Variants in RANBP2 observed in about 807,000 individuals in gnomAD.
RANBP2 encodes the protein E3 SUMO-protein ligase RanBP2.
Under a neutral mutation model 303.6 loss-of-function variants are expected in RANBP2, and 57 were observed. That is an observed-to-expected ratio of 0.19 (90% CI 0.15 to 0.23). RANBP2 has a LOEUF of 0.23. Among genes scored for constraint, RANBP2 ranks in the 10% least tolerant of loss-of-function variants. RANBP2 has a pLI of 1.00. For missense variants in RANBP2, 3,138 were observed against 3,780.8 expected, an observed-to-expected ratio of 0.83 and a Z score of 4.46; for synonymous variants, 1,167 against 1,301.5, an observed-to-expected ratio of 0.90 and a Z score of 2.23.
At chr2:109,524,469 A>AAAAAAAAAAAAAAAAAAAAAAAAC in the RANBP2 span, among the ~76,000 whole-genome samples, 9 of 80,872 alleles carry the variant, frequency 1.1e-4, 1 homozygote, top group East Asian at 8.3e-4. Flanking sequence ...AAAAAAAACA[A>AAAAAAAAAAAAAAAAAAAAAAAAC]AACAACACTG....
chr2:109,177,172 C>T, the RANBP2 span, among the ~76,000 whole-genome samples: 3 of 152,150 alleles, frequency 2.0e-5, no homozygotes, highest in African/African-American at 7.2e-5. Context: ...ACACTCAGCC[C>T]AGAGTCAGAA....
At chr2:108,919,198 TC>T in the RANBP2 span, among the ~76,000 whole-genome samples, 1 of 152,040 alleles carries the variant, frequency 6.6e-6, no homozygotes, top group Non-Finnish European at 1.5e-5. Context: ...CGGAAGAGCA[TC>T]CGGGCACAAG....
At chr2:108,815,463 T>G in the RANBP2 span, among the ~76,000 whole-genome samples, 1 of 121,230 alleles carries the variant, frequency 8.2e-6, no homozygotes, top group Non-Finnish European at 1.6e-5. Flanking sequence ...TTTTTGGTGT[T>G]TTTTTTTTTT....
the RANBP2 span, among the ~76,000 whole-genome samples, chr2:109,717,869 A>C: frequency 6.7e-6 from 1 of 150,232 alleles, no homozygotes; most frequent in Admixed American, 6.6e-5. Context: ...AGCCGAGATC[A>C]CACCATTGCA....
chr2:108,808,301 A>G, the RANBP2 span, among the ~76,000 whole-genome samples: 1 of 152,170 alleles, frequency 6.6e-6, no homozygotes, highest in Non-Finnish European at 1.5e-5. Context: ...GGCTATTGCA[A>G]ATACTGCTGC....
At chr2:109,275,678 A>T in the RANBP2 span, among the ~76,000 whole-genome samples, 1 of 152,122 alleles carries the variant, frequency 6.6e-6, no homozygotes, top group Non-Finnish European at 1.5e-5. Context: ...TGGATGCTTG[A>T]TTAGCGCGTC....
the RANBP2 span, among the ~76,000 whole-genome samples, chr2:109,298,978 G>A: frequency 6.6e-6 from 1 of 152,148 alleles, no homozygotes; most frequent in African/African-American, 2.4e-5. Context: ...CACGGCCCAC[G>A]CCGGCCTGCA....
At chr2:109,418,284 C>T in the RANBP2 span, among the ~76,000 whole-genome samples, 3 of 152,144 alleles carry the variant, frequency 2.0e-5, no homozygotes, top group Admixed American at 1.3e-4. Flanking sequence ...CTCCAGGCTC[C>T]CTGACAGCCC....
the RANBP2 span, among the ~76,000 whole-genome samples, chr2:109,417,501 T>C: frequency 6.6e-6 from 1 of 152,114 alleles, no homozygotes; most frequent in African/African-American, 2.4e-5. Flanking sequence ...CTTTCCTGCT[T>C]CCGCATGTGG....
At chr2:109,006,815 T>C in the RANBP2 span, among the ~76,000 whole-genome samples, 26 of 152,350 alleles carry the variant, frequency 1.7e-4, no homozygotes, top group South Asian at 1.7e-3. Flanking sequence ...CTCCTAAACC[T>C]TCTTAGGGCA....
chr2:109,595,900 T>C, the RANBP2 span, among the ~76,000 whole-genome samples: 1 of 152,218 alleles, frequency 6.6e-6, no homozygotes, highest in Non-Finnish European at 1.5e-5. Context: ...ATTCCATGCT[T>C]GTCGTTAATT....
At chr2:109,075,947 G>A in the RANBP2 span, among the ~76,000 whole-genome samples, 8 of 150,484 alleles carry the variant, frequency 5.3e-5, no homozygotes, top group Non-Finnish European at 1.0e-4. Flanking sequence ...ATTTTATGAG[G>A]TCAGCATTAC....
the RANBP2 span, among the ~76,000 whole-genome samples, chr2:109,211,190 T>TG: frequency 6.6e-6 from 1 of 152,130 alleles, no homozygotes; most frequent in African/African-American, 2.4e-5. Context: ...TGAAAGCAGG[T>TG]GGGGGCTGCT....
the RANBP2 span, chr2:109,449,402 G>A: frequency 3.1e-6 from 5 of 1,613,372 alleles, no homozygotes; most frequent in Admixed American, 5.0e-5. Flanking sequence ...ACCTCAACGG[G>A]GAGGCTGGAG....
chr2:109,039,552 T>C, the RANBP2 span, among the ~76,000 whole-genome samples: 63 of 152,324 alleles, frequency 4.1e-4, 1 homozygote, highest in Non-Finnish European at 5.9e-5. Flanking sequence ...GGTTTTACCA[T>C]GTTGGCCAGG....
chr2:109,393,980 G>A, the RANBP2 span, among the ~76,000 whole-genome samples: 2 of 152,088 alleles, frequency 1.3e-5, no homozygotes, highest in Non-Finnish European at 2.9e-5. Flanking sequence ...TCCAGGGCTG[G>A]CCGCACCTCC....
chr2:109,613,940 C>A, the RANBP2 span: 1 of 1,209,386 alleles, frequency 8.3e-7, no homozygotes, highest in Non-Finnish European at 1.0e-6. Flanking sequence ...GGGCGCGAGG[C>A]TAGGCTGCCT....
the RANBP2 span, among the ~76,000 whole-genome samples, chr2:109,539,545 G>C: frequency 6.6e-6 from 1 of 152,028 alleles, no homozygotes; most frequent in South Asian, 2.1e-4. Context: ...CCAGGTTCAA[G>C]CAATTCTTCC....
At chr2:109,303,088 C>T in the RANBP2 span, among the ~76,000 whole-genome samples, 4 of 152,154 alleles carry the variant, frequency 2.6e-5, no homozygotes, top group Non-Finnish European at 5.9e-5. Flanking sequence ...GCTGGCCAGG[C>T]TGGTCTCCAA....
Sources: allele counts gnomAD v4.1 joint callset (sites outside exome capture counted in the v4.1 genomes callset), GRCh38; gene constraint gnomAD v4.1.1; transcripts MANE v1.5; gene names NCBI Gene and HGNC (gene_info 2026-07-23, HGNC 2026-07-21).